Variants in AGR3 observed in about 807,000 individuals in gnomAD.
The protein encoded by AGR3 is anterior gradient protein 3.
AGR3 carries 37 observed loss-of-function variants against 24.5 expected under a neutral mutation model. The ratio of observed to expected loss-of-function variants is 1.51; its 90% CI spans 1.16 to 1.99. The LOEUF (loss-of-function observed/expected upper bound fraction) is 1.99. AGR3 is among the 30% of genes most tolerant of loss of function. AGR3 has a pLI of 0.00. For synonymous variants in AGR3, 75 were observed against 61.6 expected (o/e 1.22, Z -1.02); for missense variants, 228 against 191.1 (o/e 1.19, Z -1.14).
chr7:16,868,242 G>A (rs1000245303), intron 3 of AGR3, among the ~76,000 whole-genome samples: 1 of 151,420 alleles, frequency 6.6e-6, no homozygotes, highest in Admixed American at 6.6e-5. Flanking sequence ...CACAACCTCC[G>A]CCTCCCAGGT....
At chr7:16,880,264 G>C (rs1360067159) in intron 1 of AGR3, among the ~76,000 whole-genome samples, 1 of 148,988 alleles carries the variant, frequency 6.7e-6, no homozygotes, top group African/African-American at 2.5e-5. Context: ...AGGTTCAAGC[G>C]ATTCTCCTGC....
downstream of AGR3, among the ~76,000 whole-genome samples, chr7:16,856,726 T>C (rs1379151941): frequency 2.0e-5 from 3 of 152,120 alleles, no homozygotes; most frequent in Non-Finnish European, 4.4e-5. Context: ...TTTTTTAAAA[T>C]GTTGGCTGTG....
chr7:16,868,219 G>A (rs752592866), intron 3 of AGR3, among the ~76,000 whole-genome samples: 7 of 151,688 alleles, frequency 4.6e-5, no homozygotes, highest in African/African-American at 1.2e-4. Flanking sequence ...GCAATGGTGC[G>A]ATCTCGGCTC....
chr7:16,861,003 AT>A (rs1562544247), intron 6 of AGR3, among the ~76,000 whole-genome samples: 33 of 24,258 alleles, frequency 1.4e-3, no homozygotes, highest in Non-Finnish European at 4.1e-3. Flanking sequence ...TCTAAAACAA[AT>A]GTCAAACCAA....
intron 6 of AGR3, 45 bp from the exon 7 acceptor site, chr7:16,860,628 T>C (rs1266558811): frequency 3.7e-6 from 5 of 1,358,884 alleles, no homozygotes; most frequent in East Asian, 4.6e-5. Context: ...TTTAGCATGT[T>C]CTTTTCTTTA....
At chr7:16,862,155 CA>C in intron 4 of AGR3, 95 bp from the exon 5 acceptor site, 1 of 952,592 alleles carries the variant, frequency 1.0e-6, no homozygotes, top group Non-Finnish European at 1.6e-6. Flanking sequence ...CATTTGTTTG[CA>C]TATATAACTC....
At chr7:16,870,238 T>C (rs924613025) in intron 3 of AGR3, among the ~76,000 whole-genome samples, 43 of 152,090 alleles carry the variant, frequency 2.8e-4, no homozygotes, top group Non-Finnish European at 6.0e-4. Context: ...ATAAATGCAG[T>C]CAATTTTTAA....
At chr7:16,861,554 T>G in intron 5 of AGR3, 107 bp from the exon 6 acceptor site, 1 of 924,730 alleles carries the variant, frequency 1.1e-6, no homozygotes, top group Non-Finnish European at 1.7e-6. Flanking sequence ...CCTTTTATAA[T>G]TCCATACAAC....
In AGR3 at chr7:16,870,372, A is replaced by G. The variant is rs1022212184; in HGVS notation, c.173+3408T>C. Among the ~76,000 whole-genome samples the G allele has an allele frequency of 2.0e-5, 3 of 151,352 alleles. No individual in the cohort carries two copies. In the East Asian group the frequency reaches 5.8e-4, roughly 29 times the overall value. ...AAGATAATTTTAACTTTTCCTTTCT[A>G]CATTTTCTACTTTTTCCTTCTATAA... On this transcript the variant is annotated intron_variant, in intron 3 of 7. Transcript: ENST00000310398.
intron 3 of AGR3, chr7:16,864,804 C>A: frequency 1.1e-6 from 1 of 936,710 alleles, no homozygotes; most frequent in Non-Finnish European, 1.8e-6. Context: ...TGGAATGTAT[C>A]ACACCTCTTG....
intron 4 of AGR3, 113 bp from the exon 5 acceptor site, chr7:16,862,173 A>C: frequency 1.3e-6 from 1 of 794,170 alleles, no homozygotes; most frequent in East Asian, 2.6e-5. Flanking sequence ...ACTCAGGTGT[A>C]AATATTAATA....
At position 16,866,202 on chromosome 7, in the gene AGR3, G is replaced by T. The variant is rs183245035; in HGVS notation, c.174-3540C>A. On this transcript the variant is annotated intron_variant, in intron 3 of 7. Transcript: ENST00000310398. The stretch of plus-strand genomic sequence containing the variant: ...GTTATTCACACCTAATGATGTGGCA[G>T]TAATAGTAGAGATGTCTCTATACTC... 545 of 531,984 alleles carry T rather than the reference G, an allele frequency of 1.0e-3. 1 individual carries two copies. The highest frequency in any genetic ancestry group is 1.3e-3 in the Non-Finnish European group (332 of 263,874). 33.0% of individuals were successfully genotyped at this position (531,984 alleles called of 1,614,324 possible).
intron 3 of AGR3, chr7:16,866,205 A>G (rs1781755225): frequency 1.9e-6 from 1 of 531,708 alleles, no homozygotes; most frequent in Non-Finnish European, 3.8e-6. Context: ...TGTGGCAGTA[A>G]TAGTAGAGAT....
chr7:16,861,900 A>T (rs1781652315), intron 5 of AGR3, 84 bp downstream of exon 5: 2 of 154,358 alleles, frequency 1.3e-5, no homozygotes, highest in Non-Finnish European at 2.1e-5. Context: ...GACTCTGTCT[A>T]AAAAAAAAAA....
In AGR3 at chr7:16,878,486, G is replaced by T. The variant is rs750961532; in HGVS notation, c.109+24C>A. On this transcript the variant is annotated intron_variant, in intron 2 of 7. Coordinates refer to ENST00000310398, the MANE Select transcript of AGR3 (RefSeq NM_176813.5). Reference sequence around the variant, plus strand: ...AAAGCAATCCAAATGACTGAGTTTAGAAAATAAAATGAGATTACAGCACCT... The same window carrying T: ...AAAGCAATCCAAATGACTGAGTTTATAAAATAAAATGAGATTACAGCACCT... The T allele has an allele frequency of 3.1e-6, 5 of 1,590,276 alleles. No individual in the cohort carries two copies. In the Admixed American group the frequency reaches 8.4e-5, roughly 27 times the overall value.
chr7:16,874,832 T>G (rs766499091), intron 2 of AGR3, among the ~76,000 whole-genome samples: 13 of 152,116 alleles, frequency 8.5e-5, no homozygotes, highest in Non-Finnish European at 1.5e-4. Context: ...AACGTATACT[T>G]TTGGCCAGGC....
chr7:16,870,226 A>C (rs1041951824), intron 3 of AGR3, among the ~76,000 whole-genome samples: 1 of 152,050 alleles, frequency 6.6e-6, no homozygotes, highest in African/African-American at 2.4e-5. Context: ...GTTTTTCTAT[A>C]TATAAATGCA....
chr7:16,880,840 T>C (rs1782105244), intron 1 of AGR3, among the ~76,000 whole-genome samples: 1 of 151,990 alleles, frequency 6.6e-6, no homozygotes, highest in Admixed American at 6.5e-5. Context: ...AAGGCAGCCT[T>C]AGTTAGACAG....
At chr7:16,859,320 C>T (rs974157037), downstream of AGR3, 2 of 345,360 alleles carry the variant, frequency 5.8e-6, no homozygotes, top group South Asian at 3.7e-5. Context: ...ACTGTATAGG[C>T]ACCTCTTATT....
Sources: gnomAD v4.1 joint callset for allele counts (sites outside exome capture counted in the v4.1 genomes callset) on GRCh38, gnomAD v4.1.1 for gene constraint, MANE v1.5 for transcripts, NCBI Gene and HGNC (gene_info 2026-07-23, HGNC 2026-07-21) for gene names.